Variants in DENND5A observed in about 807,000 individuals in gnomAD.
The protein encoded by DENND5A is DENN domain containing 5A, also known as DENN domain-containing protein 5A.
A neutral mutation model predicts 140.3 loss-of-function variants in DENND5A; 64 were observed. The observed-to-expected ratio is 0.46, with a 90% confidence interval of 0.37 to 0.56. DENND5A has a LOEUF of 0.56. DENND5A is among the 20% of genes least tolerant of loss of function. The pLI is 0.00. For synonymous variants in DENND5A, 605 were observed against 607.7 expected, an observed-to-expected ratio of 1.00 and a Z score of 0.07; for missense variants, 1,292 against 1,593.8, an observed-to-expected ratio of 0.81 and a Z score of 3.22.
rs1848147048 is a variant in DENND5A at position 9,165,209 on chromosome 11, C to T, written c.2283+627G>A. ...TAGAGACGGGGTTTTACCATGTTGG[C>T]CAGGCTGGTCTTGAACTCCTGACCT... On this transcript the variant is annotated intron_variant, in intron 11 of 22. Transcript: ENST00000328194. Among the ~76,000 whole-genome samples the T allele has an allele frequency of 2.6e-5, 4 of 152,136 alleles. No individual in the cohort carries two copies. The South Asian group carries it at 8.3e-4, about 32-fold the overall frequency.
intron 7 of DENND5A, among the ~76,000 whole-genome samples, 192 bp downstream of exon 7, chr11:9,178,666 G>A (rs540918878): frequency 8.5e-5 from 13 of 152,164 alleles, no homozygotes; most frequent in African/African-American, 2.6e-4. Context: ...AAGGTAAATC[G>A]TCTGATAATA....
At chr11:9,170,958 A>T in intron 8 of DENND5A, 181 bp from the exon 9 acceptor site, 10 of 1,087,500 alleles carry the variant, frequency 9.2e-6, no homozygotes, top group Non-Finnish European at 1.3e-5. Flanking sequence ...TAAAATGATA[A>T]ACTTCAGAAT....
intron 5 of DENND5A, among the ~76,000 whole-genome samples, chr11:9,191,231 G>A (rs935666856): frequency 3.3e-5 from 5 of 151,492 alleles, no homozygotes; most frequent in African/African-American, 7.3e-5. Context: ...TTTTTTTGAG[G>A]TGGAGTCTCA....
rs762748095 is a variant in DENND5A at position 9,145,766 on chromosome 11, G to A, written c.2907C>T (p.Ser969=). The change falls in exon 17 of 23, where the codon TCC becomes TCT. Residue 969 remains serine, a synonymous_variant. Transcript: ENST00000328194. ...LIVPSKKLGG[S]MFTANPWICI... is the part of the protein sequence containing the mutation. Reference sequence around the variant, plus strand: ...AGATCCATGGGTTGGCAGTGAACATGGAGCCCCCCAGCTTCTTGCTTGGTA... The same window carrying A: ...AGATCCATGGGTTGGCAGTGAACATAGAGCCCCCCAGCTTCTTGCTTGGTA... 2.5e-6 allele frequency: 4 copies of A among 1,614,154 alleles called. No individual in the cohort carries two copies. In the Admixed American group the frequency reaches 5.0e-5, roughly 20 times the overall value.
chr11:9,250,188 T>C (rs7947682), intron 1 of DENND5A, among the ~76,000 whole-genome samples: 3,651 of 152,044 alleles, frequency 0.024, 151 homozygotes, highest in African/African-American at 0.083. Context: ...GAGGGATTTC[T>C]GAGGTTAGCA....
intron 1 of DENND5A, among the ~76,000 whole-genome samples, chr11:9,208,112 T>C (rs1361568684): frequency 6.6e-6 from 1 of 152,192 alleles, no homozygotes; most frequent in Non-Finnish European, 1.5e-5. Context: ...TCAAGTGAAA[T>C]CTATACCTGT....
chr11:9,244,605 G>A (rs1436031696), intron 1 of DENND5A, among the ~76,000 whole-genome samples: 1 of 152,158 alleles, frequency 6.6e-6, no homozygotes, highest in Non-Finnish European at 1.5e-5. Flanking sequence ...CTGACCTCGG[G>A]TGATCCGCCC....
chr11:9,187,381 T>C (rs1395394411), intron 5 of DENND5A, among the ~76,000 whole-genome samples: 2 of 152,164 alleles, frequency 1.3e-5, no homozygotes, highest in Non-Finnish European at 2.9e-5. Flanking sequence ...TCCTGCCTTG[T>C]TGAGAGGGAT....
intron 1 of DENND5A, among the ~76,000 whole-genome samples, chr11:9,257,412 C>G (rs923035523): frequency 7.7e-6 from 1 of 129,866 alleles, no homozygotes; most frequent in Non-Finnish European, 1.6e-5. Context: ...GCCTGGGCAA[C>G]AGAGACAGAC....
At chr11:9,174,328 C>A (rs1372031014) in intron 8 of DENND5A, among the ~76,000 whole-genome samples, 1 of 151,508 alleles carries the variant, frequency 6.6e-6, no homozygotes, top group African/African-American at 2.4e-5. Flanking sequence ...GATAAAAATG[C>A]AAAACCCAAT....
intron 1 of DENND5A, among the ~76,000 whole-genome samples, chr11:9,214,484 A>T (rs1850008260): frequency 6.6e-6 from 1 of 152,230 alleles, no homozygotes; most frequent in African/African-American, 2.4e-5. Context: ...ATACACAATA[A>T]GGACTGCAGA....
At chr11:9,157,445 G>C (rs11042200) in intron 12 of DENND5A, among the ~76,000 whole-genome samples, 70,166 of 151,978 alleles carry the variant, frequency 0.46, 17,366 homozygotes, top group African/African-American at 0.63. Flanking sequence ...AATAAGCCTC[G>C]TACCCCACAG....
intron 20 of DENND5A, 23 bp downstream of exon 20, chr11:9,143,380 G>C: frequency 6.3e-7 from 1 of 1,591,432 alleles, no homozygotes. Flanking sequence ...TAAGGCCCTG[G>C]ATTGGAGGGC....
chr11:9,237,866 G>C (rs575897384), intron 1 of DENND5A, among the ~76,000 whole-genome samples: 3 of 152,294 alleles, frequency 2.0e-5, no homozygotes, highest in African/African-American at 7.2e-5. Flanking sequence ...CTGGGCGACA[G>C]AGCGAGGCTC....
intron 1 of DENND5A, among the ~76,000 whole-genome samples, chr11:9,253,837 G>A (rs142870786): frequency 0.013 from 1,960 of 151,622 alleles, 44 homozygotes; most frequent in African/African-American, 0.044. Context: ...CTGCACTTTG[G>A]CCTGGGCAAC....
chr11:9,232,018 A>G (rs1352976743), intron 1 of DENND5A, among the ~76,000 whole-genome samples: 1 of 152,010 alleles, frequency 6.6e-6, no homozygotes, highest in African/African-American at 2.4e-5. Flanking sequence ...ATGCTGAAAA[A>G]CGGCCAAGAA....
intron 1 of DENND5A, among the ~76,000 whole-genome samples, chr11:9,224,773 G>A (rs1207320821): frequency 6.6e-6 from 1 of 150,426 alleles, no homozygotes; most frequent in East Asian, 2.0e-4. Context: ...CAAGAGAATC[G>A]CTTGAACCTG....
At chr11:9,150,240 G>A (rs756424392) in intron 14 of DENND5A, 31 bp from the exon 15 acceptor site, 2 of 1,609,482 alleles carry the variant, frequency 1.2e-6, no homozygotes, top group Admixed American at 1.7e-5. Context: ...GGAAGTGGAG[G>A]GTGGGATGGG....
At chr11:9,197,732 T>C (rs1380326284) in intron 4 of DENND5A, among the ~76,000 whole-genome samples, 1 of 152,148 alleles carries the variant, frequency 6.6e-6, no homozygotes, top group African/African-American at 2.4e-5. Flanking sequence ...CAACTTTCTC[T>C]GCATTATTTG....
Sources: allele counts gnomAD v4.1 joint callset (sites outside exome capture counted in the v4.1 genomes callset), GRCh38; gene constraint gnomAD v4.1.1; transcripts MANE v1.5; gene names NCBI Gene and HGNC (gene_info 2026-07-23, HGNC 2026-07-21).